Variants in EIF4G3 observed in about 807,000 individuals in gnomAD.
The protein encoded by EIF4G3 is eIF-4-gamma 3.
EIF4G3 carries 34 observed loss-of-function variants against 186.4 expected under a neutral mutation model. The observed-to-expected ratio is 0.18, with a 90% confidence interval of 0.14 to 0.24. The LOEUF is 0.24. Ranked by LOEUF, EIF4G3 falls within the 10% of genes least tolerant of loss-of-function variation. EIF4G3 has a pLI of 1.00. For missense variants in EIF4G3, 1,536 were observed against 1,948.5 expected, an observed-to-expected ratio of 0.79 and a Z score of 3.99; for synonymous variants, 673 against 679.5, an observed-to-expected ratio of 0.99 and a Z score of 0.15.
At position 20,840,911 on chromosome 1, in the gene EIF4G3, A is replaced by G. The variant is rs2230573; in HGVS notation, c.4006T>C (p.Leu1336=). ...SQITRDHMGQ[L]LYQLVQSEKL... ...TCTGACTGTACCAGCTGATAGAGTA[A>G]TTGGCCCATGTGATCCCTGGTGATC... Residue 1336 remains leucine, a synonymous_variant, in exon 30 of 37, where the codon TTA becomes CTA. Transcript: ENST00000602326. 0.99 allele frequency: 1,597,789 copies of G among 1,614,078 alleles called. 792,148 individuals are homozygous for G. The highest frequency in any genetic ancestry group is 1 in the East Asian group (44,878 of 44,878).
At chr1:21,124,739 C>T (rs2096995615) in intron 2 of EIF4G3, among the ~76,000 whole-genome samples, 1 of 152,176 alleles carries the variant, frequency 6.6e-6, no homozygotes, top group South Asian at 2.1e-4. Flanking sequence ...AAAGTACATA[C>T]CTAAACAGTT....
chr1:21,122,110 C>T (rs1352541224), intron 2 of EIF4G3, among the ~76,000 whole-genome samples: 1 of 152,188 alleles, frequency 6.6e-6, no homozygotes, highest in Admixed American at 6.5e-5. Flanking sequence ...CCACCATCCT[C>T]TAATTCCCCC....
At chr1:21,097,962 C>G (rs894786768) in intron 2 of EIF4G3, among the ~76,000 whole-genome samples, 3 of 151,906 alleles carry the variant, frequency 2.0e-5, no homozygotes, top group Admixed American at 6.6e-5. Context: ...TTGATATGAC[C>G]AGGCACAGTG....
At chr1:21,065,382 T>C (rs1354792) in intron 3 of EIF4G3, among the ~76,000 whole-genome samples, 64,173 of 137,292 alleles carry the variant, frequency 0.47, 14,422 homozygotes, top group Non-Finnish European at 0.5. Context: ...TAAAAGAGCA[T>C]GGGGTTGTTT....
intron 14 of EIF4G3, among the ~76,000 whole-genome samples, chr1:20,919,131 C>T (rs1462090500): frequency 6.6e-6 from 1 of 152,130 alleles, no homozygotes; most frequent in Non-Finnish European, 1.5e-5. Flanking sequence ...TTTTAACCGA[C>T]AGGTATTTTC....
intron 25 of EIF4G3, among the ~76,000 whole-genome samples, chr1:20,855,840 C>A (rs1232534214): frequency 1.3e-5 from 2 of 152,076 alleles, no homozygotes; most frequent in Non-Finnish European, 2.9e-5. Context: ...ATGTATAGTA[C>A]CTCCAGTATA....
intron 3 of EIF4G3, among the ~76,000 whole-genome samples, chr1:21,076,845 G>C (rs2095604182): frequency 6.6e-6 from 1 of 151,994 alleles, no homozygotes; most frequent in South Asian, 2.1e-4. Flanking sequence ...ACGAATACAA[G>C]AAAACACCAA....
In EIF4G3 at chr1:20,899,812, T is replaced by G. The variant is rs200147531; in HGVS notation, c.1884A>C (p.Glu628Asp). ...CACCATTACGTACTGGCTCAGCTTC[T>G]TCTCCATTTTCTTCCACAGCTTTCA... ...KKVKAVEENG[E>D]EAEPVRNGAE... is the part of the protein sequence containing the mutation. The change falls in exon 16 of 37, where the codon GAA becomes GAC. Residue 628 changes from glutamate (E) to aspartate (D), a missense_variant. Coordinates refer to ENST00000602326, the MANE Select transcript of EIF4G3 (RefSeq NM_001391906.1). 15 of 1,614,182 alleles carry G rather than the reference T, an allele frequency of 9.3e-6. No individual in the cohort carries two copies. In the East Asian group the frequency reaches 3.3e-4, roughly 36 times the overall value.
intron 3 of EIF4G3, among the ~76,000 whole-genome samples, chr1:21,077,235 AAAAT>A (rs980027867): frequency 9.9e-5 from 15 of 152,034 alleles, no homozygotes; most frequent in South Asian, 2.1e-4. Flanking sequence ...CATAGCTACA[AAAAT>A]AAATAAACAA....
chr1:20,932,286 T>A (rs1358414904), intron 14 of EIF4G3, among the ~76,000 whole-genome samples: 2 of 152,216 alleles, frequency 1.3e-5, no homozygotes, highest in African/African-American at 4.8e-5. Flanking sequence ...TGTGGCTGGT[T>A]TGATCTATCC....
At chr1:20,910,032 C>T (rs991393122) in intron 14 of EIF4G3, among the ~76,000 whole-genome samples, 5 of 152,120 alleles carry the variant, frequency 3.3e-5, no homozygotes, top group African/African-American at 1.2e-4. Flanking sequence ...ATCCTCCTGA[C>T]TTGGCCTCCC....
chr1:20,891,294 A>G (rs2085936843), intron 18 of EIF4G3, among the ~76,000 whole-genome samples: 1 of 152,206 alleles, frequency 6.6e-6, no homozygotes. Context: ...ACATTTTGTG[A>G]GTCACATATC....
chr1:20,907,891 T>A (rs2092524587), intron 14 of EIF4G3, among the ~76,000 whole-genome samples: 1 of 152,274 alleles, frequency 6.6e-6, no homozygotes, highest in South Asian at 2.1e-4. Context: ...TGATTTATAA[T>A]CCTTTGGGTA....
intron 4 of EIF4G3, among the ~76,000 whole-genome samples, chr1:21,009,942 C>T (rs557272515): frequency 8.2e-4 from 125 of 152,120 alleles, no homozygotes; most frequent in African/African-American, 2.8e-3. Context: ...CGTGAGCCAC[C>T]CCACCCAGCT....
intron 14 of EIF4G3, among the ~76,000 whole-genome samples, chr1:20,912,337 T>C (rs1190431206): frequency 6.6e-6 from 1 of 152,198 alleles, no homozygotes; most frequent in Non-Finnish European, 1.5e-5. Flanking sequence ...TGGAGATAAT[T>C]TTCTGGGTTG....
Position 20,879,348 on chromosome 1 carries a change from G to A in EIF4G3, c.2597C>T (p.Ala866Val). Residue 866 changes from alanine to valine, a missense_variant, in exon 20 of 37, where the codon GCA (alanine) becomes GTA (valine). Ala to Val is a moderately conservative substitution (Grantham distance 64, BLOSUM62 0). Around this residue, in one of 11 missense-constraint regions of EIF4G3, gnomAD observed 77 missense variants for 131.6 expected, o/e 0.59. Transcript: ENST00000602326. ...IDEPSFSVAY[A>V]NMCRCLVTLK... Reference sequence around the variant, plus strand: ...CGTTACTAGACATCGACACATGTTTGCGTAAGCCACAGAGAAACTGGGTTC... The same window carrying A: ...CGTTACTAGACATCGACACATGTTTACGTAAGCCACAGAGAAACTGGGTTC... 6.2e-7 allele frequency: 1 copy of A among 1,601,892 alleles called. No homozygotes were observed. The highest frequency in any genetic ancestry group is 8.5e-7 in the Non-Finnish European group (1 of 1,174,338).
At chr1:20,956,428 G>C (rs1340941504) in intron 12 of EIF4G3, among the ~76,000 whole-genome samples, 1 of 152,078 alleles carries the variant, frequency 6.6e-6, no homozygotes, top group East Asian at 1.9e-4. Flanking sequence ...GCAGAGAGAT[G>C]AGTGAGAAAG....
At chr1:21,148,937 T>C (rs2097503545) in intron 2 of EIF4G3, among the ~76,000 whole-genome samples, 1 of 151,824 alleles carries the variant, frequency 6.6e-6, no homozygotes, top group Non-Finnish European at 1.5e-5. Context: ...TTTTTTGAAA[T>C]GTGACTATAC....
At chr1:20,899,518 C>T (rs1336156512) in intron 16 of EIF4G3, among the ~76,000 whole-genome samples, 179 bp downstream of exon 16, 1 of 152,158 alleles carries the variant, frequency 6.6e-6, no homozygotes, top group Non-Finnish European at 1.5e-5. Flanking sequence ...TCATTTCCAG[C>T]AATACAGAAC....
Sources: allele counts gnomAD v4.1 joint callset (sites outside exome capture counted in the v4.1 genomes callset), GRCh38; gene constraint gnomAD v4.1.1; regional missense constraint gnomAD v4.1.1; transcripts MANE v1.5; gene names NCBI Gene and HGNC (gene_info 2026-07-23, HGNC 2026-07-21).